The following RALYL variants were observed in gnomAD, a reference collection of about 807,000 sequenced individuals.
The protein encoded by RALYL is RNA-binding Raly-like protein.
RALYL carries 29 observed loss-of-function variants against 35.1 expected under a neutral mutation model. That is an observed-to-expected ratio of 0.83 (90% CI 0.61 to 1.13). The LOEUF (loss-of-function observed/expected upper bound fraction) is 1.13, where lower values mean the gene tolerates loss of function less well. Among genes scored for constraint, RALYL ranks in the 50% most tolerant of loss-of-function variants. RALYL has a pLI of 0.00. For missense variants in RALYL, 359 were observed against 360.4 expected (o/e 1.00, Z 0.03); for synonymous variants, 120 against 127.6 (o/e 0.94, Z 0.40).
chr8:84,824,311 G>T (rs1222147844), intron 4 of RALYL, among the ~76,000 whole-genome samples: 1 of 149,932 alleles, frequency 6.7e-6, no homozygotes, highest in African/African-American at 2.4e-5. Context: ...AACCAAGAAG[G>T]TGAGAGATCT....
intron 2 of RALYL, chr8:84,679,455 CT>C: frequency 3.2e-6 from 1 of 315,482 alleles, no homozygotes; most frequent in Non-Finnish European, 6.3e-6. Flanking sequence ...ACACTCTGTG[CT>C]TAGGTGGTTG....
intron 1 of RALYL, among the ~76,000 whole-genome samples, chr8:84,241,520 G>A (rs567567647): frequency 6.6e-6 from 1 of 152,214 alleles, no homozygotes; most frequent in Admixed American, 6.5e-5. Flanking sequence ...GCTCATGCCT[G>A]TAATCCCAGC....
At chr8:84,848,346 TTAA>T (rs767970878) in intron 4 of RALYL, among the ~76,000 whole-genome samples, 5 of 152,018 alleles carry the variant, frequency 3.3e-5, no homozygotes, top group South Asian at 2.1e-4. Context: ...TACATATATT[TTAA>T]TAATATTCTA....
intron 1 of RALYL, among the ~76,000 whole-genome samples, chr8:84,451,672 G>C (rs967828211): frequency 7.2e-5 from 11 of 152,026 alleles, no homozygotes; most frequent in Non-Finnish European, 1.5e-5. Context: ...GCATTGAAAT[G>C]CTTAGAATAA....
chr8:84,758,069 C>G (rs1586005457), intron 2 of RALYL, among the ~76,000 whole-genome samples: 1 of 152,198 alleles, frequency 6.6e-6, no homozygotes, highest in East Asian at 1.9e-4. Flanking sequence ...TGAATGTATT[C>G]TTAGTAAGAC....
At chr8:84,752,902 G>A (rs1810421646) in intron 2 of RALYL, among the ~76,000 whole-genome samples, 1 of 152,162 alleles carries the variant, frequency 6.6e-6, no homozygotes, top group South Asian at 2.1e-4. Context: ...CCTCTACTAG[G>A]ACAGTGTAAA....
intron 1 of RALYL, among the ~76,000 whole-genome samples, chr8:84,524,107 G>A (rs1489215388): frequency 6.6e-6 from 1 of 152,078 alleles, no homozygotes; most frequent in Non-Finnish European, 1.5e-5. Flanking sequence ...TTCCACAATG[G>A]TTGAACTAGT....
At chr8:84,556,655 T>C (rs1362565157) in intron 2 of RALYL, among the ~76,000 whole-genome samples, 1 of 152,226 alleles carries the variant, frequency 6.6e-6, no homozygotes, top group Non-Finnish European at 1.5e-5. Flanking sequence ...GATGTCAGTA[T>C]TGGCCATGAA....
chr8:84,416,749 A>G (rs759677749), intron 1 of RALYL, among the ~76,000 whole-genome samples: 5 of 152,204 alleles, frequency 3.3e-5, no homozygotes, highest in Non-Finnish European at 7.4e-5. Flanking sequence ...ACAAAATATT[A>G]ATAGTGACCT....
chr8:84,260,066 A>G (rs1197030197), intron 1 of RALYL, among the ~76,000 whole-genome samples: 1 of 152,166 alleles, frequency 6.6e-6, no homozygotes, highest in Non-Finnish European at 1.5e-5. Flanking sequence ...GCAGCTATAC[A>G]AGAAGGATTG....
intron 1 of RALYL, among the ~76,000 whole-genome samples, chr8:84,385,050 A>AC (rs1192543143): frequency 1.1e-4 from 16 of 151,616 alleles, no homozygotes; most frequent in African/African-American, 3.6e-4. Context: ...ATATTCTTCC[A>AC]CCCCCACAAA....
chr8:84,427,237 A>G (rs1329773675), intron 1 of RALYL, among the ~76,000 whole-genome samples: 5 of 152,182 alleles, frequency 3.3e-5, no homozygotes, highest in Non-Finnish European at 4.4e-5. Context: ...TGCCTCAGCT[A>G]TGGCAATAGC....
chr8:84,549,383 G>A lies in RALYL; in HGVS notation c.256+19806G>A, dbSNP rs1458827618. Among the ~76,000 whole-genome samples the A allele has an allele frequency of 3.3e-5, 5 of 152,162 alleles. No individual in the cohort carries two copies. The East Asian group carries it at 9.6e-4, about 29-fold the overall frequency. The stretch of plus-strand genomic sequence containing the variant: ...GGATTGGTGTGATGGTTGAGGTTCA[G>A]GTGGATCAAAACAGACTTGAGGGTC... On this transcript the variant is annotated intron_variant, in intron 2 of 8. Coordinates refer to ENST00000521268, the MANE Select transcript of RALYL (RefSeq NM_173848.7).
At chr8:84,433,435 C>T (rs533320601) in intron 1 of RALYL, among the ~76,000 whole-genome samples, 5 of 152,116 alleles carry the variant, frequency 3.3e-5, no homozygotes, top group South Asian at 2.1e-4. Flanking sequence ...TAAAACAGGA[C>T]GATGTTTGAT....
At chr8:84,262,132 G>C (rs1360446540) in intron 1 of RALYL, among the ~76,000 whole-genome samples, 1 of 152,124 alleles carries the variant, frequency 6.6e-6, no homozygotes, top group Non-Finnish European at 1.5e-5. Context: ...CATGGTTCCA[G>C]AACAGGGATT....
At chr8:84,506,688 A>C (rs1029806729) in intron 1 of RALYL, among the ~76,000 whole-genome samples, 1 of 151,992 alleles carries the variant, frequency 6.6e-6, no homozygotes, top group African/African-American at 2.4e-5. Flanking sequence ...AAATATGATA[A>C]ATTTTAAATT....
intron 1 of RALYL, among the ~76,000 whole-genome samples, chr8:84,229,005 C>A (rs1824679133): frequency 6.6e-6 from 1 of 152,154 alleles, no homozygotes; most frequent in Non-Finnish European, 1.5e-5. Flanking sequence ...TATATCACAT[C>A]CCCACATTCA....
At chr8:84,416,671 C>T (rs934848098) in intron 1 of RALYL, among the ~76,000 whole-genome samples, 19 of 152,052 alleles carry the variant, frequency 1.2e-4, no homozygotes, top group African/African-American at 4.3e-4. Flanking sequence ...ATTAGAATGG[C>T]CATTTTCCTA....
chr8:84,555,051 C>T lies in RALYL; in HGVS notation c.256+25474C>T, dbSNP rs546651107. ...ATCCCAGCACTTTGGGAGGCTAAGG[C>T]GGGCAGATCACGAGGTCAGGCGTTC... On this transcript the variant is annotated intron_variant, in intron 2 of 8. Coordinates refer to ENST00000521268, the MANE Select transcript of RALYL (RefSeq NM_173848.7). 1.2e-4 allele frequency among the ~76,000 whole-genome samples: 19 copies of T among 152,186 alleles called. No homozygotes were observed. The South Asian group carries it at 1.7e-3, about 13-fold the overall frequency.
Sources: gnomAD v4.1 joint callset for allele counts (sites outside exome capture counted in the v4.1 genomes callset) on GRCh38, gnomAD v4.1.1 for gene constraint, MANE v1.5 for transcripts, NCBI Gene and HGNC (gene_info 2026-07-23, HGNC 2026-07-21) for gene names.